The following EXOC6B variants were observed in gnomAD, a reference collection of about 807,000 sequenced individuals.
EXOC6B encodes the protein exocyst complex component 6B, also known as SEC15 homolog B.
Under a neutral mutation model 113.5 loss-of-function variants are expected in EXOC6B, and 54 were observed. The ratio of observed to expected loss-of-function variants is 0.48; its 90% CI spans 0.38 to 0.60. EXOC6B has a LOEUF of 0.60. EXOC6B is among the 20% of genes least tolerant of loss of function. The pLI is 0.00. For synonymous variants in EXOC6B, 357 were observed against 339.0 expected (o/e 1.05, Z -0.58); for missense variants, 797 against 977.5 (o/e 0.82, Z 2.46).
At chr2:72,531,074 A>G (rs1450216240) in intron 8 of EXOC6B, among the ~76,000 whole-genome samples, 1 of 152,068 alleles carries the variant, frequency 6.6e-6, no homozygotes, top group African/African-American at 2.4e-5. Context: ...AATTATTCAC[A>G]TGTTAGGGCT....
At chr2:72,547,651 GA>G (rs977696958) in intron 8 of EXOC6B, among the ~76,000 whole-genome samples, 3 of 152,168 alleles carry the variant, frequency 2.0e-5, no homozygotes, top group African/African-American at 7.2e-5. Context: ...AGCAGATTCA[GA>G]AAGATGTTTC....
intron 6 of EXOC6B, among the ~76,000 whole-genome samples, chr2:72,579,291 T>C (rs1293138244): frequency 1.3e-5 from 2 of 151,804 alleles, no homozygotes; most frequent in East Asian, 3.9e-4. Flanking sequence ...AAAAGATGAG[T>C]TCCCTAAACC....
At chr2:72,618,801 TC>T (rs758329474) in intron 6 of EXOC6B, among the ~76,000 whole-genome samples, 21 of 152,178 alleles carry the variant, frequency 1.4e-4, no homozygotes, top group Non-Finnish European at 2.6e-4. Context: ...TTCATCCTCT[TC>T]CATTCAACCA....
At position 72,653,632 on chromosome 2, in the gene EXOC6B, CT is replaced by C. The variant is rs763436052; in HGVS notation, c.669+64470del. On this transcript the variant is annotated intron_variant, in intron 6 of 21. Transcript: ENST00000272427. Reference sequence around the variant, plus strand: ...CAAAAAGAAAGAAAGAAAGAAAATACTGACGAGTTGAAAGAGATCTAAAAAT... The same window carrying C: ...CAAAAAGAAAGAAAGAAAGAAAATACGACGAGTTGAAAGAGATCTAAAAAT... Among the ~76,000 whole-genome samples the C allele has an allele frequency of 7.9e-5, 11 of 139,510 alleles. 1 individual carries two copies. In the East Asian group the frequency reaches 2.1e-3, roughly 27 times the overall value. 91.5% of individuals were successfully genotyped at this position (139,510 alleles called of 152,430 possible). A position where few individuals can be genotyped will look rare whatever the true frequency, so the allele number is the denominator to read the frequency against.
chr2:72,222,941 TACTC>T (rs1421365944), intron 20 of EXOC6B, among the ~76,000 whole-genome samples: 2 of 152,210 alleles, frequency 1.3e-5, no homozygotes, highest in African/African-American at 2.4e-5. Flanking sequence ...GTTTGCAATA[TACTC>T]ACTCTCTCTT....
chr2:72,187,591 G>A (rs981173566), intron 20 of EXOC6B, among the ~76,000 whole-genome samples: 2 of 152,116 alleles, frequency 1.3e-5, no homozygotes, highest in African/African-American at 2.4e-5. Context: ...GTCTCGATAA[G>A]TGTTCAGCTA....
In EXOC6B at chr2:72,363,002, T is replaced by C. The variant is rs184314132; in HGVS notation, c.2122+16727A>G. Among the ~76,000 whole-genome samples, 377 of 152,230 alleles carry C rather than the reference T, an allele frequency of 2.5e-3. 2 individuals carry two copies. Among genetic ancestry groups the C allele is most frequent in the African/African-American group, 8.3e-3 (346 of 41,562 alleles). On this transcript the variant is annotated intron_variant, in intron 19 of 21. Transcript: ENST00000272427. Reference sequence around the variant, plus strand: ...ACACAGACTGAATATTCCTAGTGCATGAGGGATACAATAGCCTAAGTTAGA... The same window carrying C: ...ACACAGACTGAATATTCCTAGTGCACGAGGGATACAATAGCCTAAGTTAGA...
chr2:72,465,296 T>C lies in EXOC6B; in HGVS notation c.1844A>G (p.Asn615Ser), dbSNP rs1486606352. ...AAEEEIYTNL[N>S]QKIDQFLQLA... ...CTGTAGGAACTGGTCAATCTTCTGG[T>C]TTAAGTTGGTATAAATCTCTTCTTC... Residue 615 changes from asparagine (N) to serine (S), a missense_variant, in exon 18 of 22, where the codon AAC becomes AGC. Physicochemically the swap from Asn to Ser is conservative, Grantham distance 46 (BLOSUM62 1). Transcript: ENST00000272427. 1.2e-6 allele frequency: 2 copies of C among 1,606,766 alleles called. No individual in the cohort carries two copies. Among genetic ancestry groups the C allele is most frequent in the African/African-American group, 1.3e-5 (1 of 74,938 alleles).
Position 72,353,340 on chromosome 2 carries a change from T to C in EXOC6B, c.2123-18320A>G, listed in dbSNP as rs1381604621. Among the ~76,000 whole-genome samples the C allele has an allele frequency of 4.6e-5, 7 of 152,030 alleles. No homozygotes were observed. The East Asian group carries it at 1.4e-3, about 29-fold the overall frequency. ...AGGATCAATCCCCATAATGAAAACT[T>C]TATATTTTGTTGTATTGTATTGTAT... On this transcript the variant is annotated intron_variant, in intron 19 of 21. Coordinates refer to ENST00000272427, the MANE Select transcript of EXOC6B (RefSeq NM_015189.3).
At position 72,517,691 on chromosome 2, in the gene EXOC6B, T is replaced by G. The variant is rs140309149; in HGVS notation, c.916-2565A>C. On this transcript the variant is annotated intron_variant, in intron 8 of 21. Transcript: ENST00000272427. ...GGTTAACAGCCCTAAAGGACCTTTA[T>G]TATTGTAGTGTGACATTACATATTC... 4.3e-3 allele frequency among the ~76,000 whole-genome samples: 654 copies of G among 152,314 alleles called. 6 individuals are homozygous for G. Among genetic ancestry groups the G allele is most frequent in the African/African-American group, 0.014 (594 of 41,586 alleles).
At chr2:72,671,790 A>AGAAAGAAAGAAAGAAAGAAAGAAG (rs1675866868) in intron 6 of EXOC6B, among the ~76,000 whole-genome samples, 4 of 107,580 alleles carry the variant, frequency 3.7e-5, no homozygotes, top group African/African-American at 2.0e-4. Flanking sequence ...AAAGAAAGAA[A>AGAAAGAAAGAAAGAAAGAAAGAAG]GAAAGAAAGA....
intron 11 of EXOC6B, among the ~76,000 whole-genome samples, chr2:72,503,924 T>C (rs972758302): frequency 6.6e-6 from 1 of 152,138 alleles, no homozygotes; most frequent in Non-Finnish European, 1.5e-5. Context: ...TTTTCTTTTT[T>C]TGAGACAGGG....
intron 13 of EXOC6B, 142 bp downstream of exon 13, chr2:72,498,312 T>C (rs904014572): frequency 1.1e-5 from 6 of 556,506 alleles, no homozygotes; most frequent in Non-Finnish European, 1.8e-5. Flanking sequence ...ATTTGAATTC[T>C]GGATCATAAC....
chr2:72,355,768 A>G (rs546529863), intron 19 of EXOC6B, among the ~76,000 whole-genome samples: 21 of 152,358 alleles, frequency 1.4e-4, no homozygotes, highest in Middle Eastern at 3.4e-3. Context: ...AATTATTGAT[A>G]CTGAAACACA....
intron 21 of EXOC6B, among the ~76,000 whole-genome samples, chr2:72,180,046 G>A (rs2104194279): frequency 6.6e-6 from 1 of 152,256 alleles, no homozygotes; most frequent in South Asian, 2.1e-4. Context: ...TTCGTCTCAG[G>A]GTAAAGGCAC....
chr2:72,266,048 C>T (rs1207385466), intron 20 of EXOC6B, among the ~76,000 whole-genome samples: 12 of 151,940 alleles, frequency 7.9e-5, no homozygotes, highest in East Asian at 5.8e-4. Context: ...TGCATAAATG[C>T]CTTCTTTTGA....
chr2:72,189,335 A>T lies in EXOC6B; in HGVS notation c.2197-5148T>A, dbSNP rs551655114. ...CTAGTGGCTTCTTGTAAGATTCAAG[A>T]CTGAATTCTTTAGCAGAACACTATG... On this transcript the variant is annotated intron_variant, in intron 20 of 21. Transcript: ENST00000272427. Among the ~76,000 whole-genome samples the T allele has an allele frequency of 2.0e-5, 3 of 152,216 alleles. No individual in the cohort carries two copies. In the South Asian group the frequency reaches 6.2e-4, roughly 32 times the overall value.
intron 6 of EXOC6B, among the ~76,000 whole-genome samples, chr2:72,599,370 T>A (rs900933369): frequency 6.6e-6 from 1 of 152,034 alleles, no homozygotes; most frequent in African/African-American, 2.4e-5. Context: ...ATAATAACTC[T>A]CAGCAAACTG....
rs3034948 is a variant in EXOC6B at position 72,700,237 on chromosome 2, A to AACACACACACACACACACAC, written c.669+17846_669+17865dup. Among the ~76,000 whole-genome samples, 815 of 142,388 alleles carry AACACACACACACACACACAC rather than the reference A, an allele frequency of 5.7e-3. 10 individuals carry two copies. The highest frequency in any genetic ancestry group is 0.018 in the African/African-American group (681 of 37,272). 93.4% of individuals were successfully genotyped at this position (142,388 alleles called of 152,430 possible). A position where few individuals can be genotyped will look rare whatever the true frequency, so the allele number is the denominator to read the frequency against. ...TCCTGTTAGATACAAAGACCACAGA[A>AACACACACACACACACACAC]ACACACACACACACACACACACACA... On this transcript the variant is annotated intron_variant, in intron 6 of 21. Coordinates refer to ENST00000272427, the MANE Select transcript of EXOC6B (RefSeq NM_015189.3).
Sources: gnomAD v4.1 joint callset for allele counts (sites outside exome capture counted in the v4.1 genomes callset) on GRCh38, gnomAD v4.1.1 for gene constraint, MANE v1.5 for transcripts, NCBI Gene and HGNC (gene_info 2026-07-23, HGNC 2026-07-21) for gene names.